The following EMC8 variants were observed in gnomAD, a reference collection of about 807,000 sequenced individuals.
The protein encoded by EMC8 is ER membrane protein complex subunit 8.
Under a neutral mutation model 24.3 loss-of-function variants are expected in EMC8, and 11 were observed. The observed-to-expected ratio is 0.45, with a 90% CI of 0.28 to 0.75. The LOEUF is 0.75. Ranked by LOEUF, EMC8 falls within the 30% of genes least tolerant of loss-of-function variation. The pLI is 0.12. For synonymous variants in EMC8, 145 were observed against 117.7 expected, an observed-to-expected ratio of 1.23 and a Z score of -1.50; for missense variants, 277 against 282.7, an observed-to-expected ratio of 0.98 and a Z score of 0.14.
chr16:85,789,125 C>T (rs1904889892), intron 1 of EMC8, 75 bp from the exon 2 acceptor site: 3 of 918,112 alleles, frequency 3.3e-6, no homozygotes, highest in Non-Finnish European at 1.8e-6. Context: ...CCACAGATCT[C>T]ACTGCCACAT....
In EMC8 at chr16:85,779,328, G is replaced by A. The variant is rs1904380331; in HGVS notation, c.*380C>T. 1 of 92,844 alleles carries A rather than the reference G, an allele frequency of 1.1e-5. No individual in the cohort carries two copies. Among genetic ancestry groups the A allele is most frequent in the Non-Finnish European group, 2.1e-5 (1 of 47,984 alleles). 5.8% of individuals were successfully genotyped at this position (92,844 alleles called of 1,614,324 possible). A position where few individuals can be genotyped will look rare whatever the true frequency, so the allele number is the denominator to read the frequency against. ...AAACACACTCATTGGAGTATAAGAT[G>A]TGGGCTTTTTTTTTTTTTTTTAAAA... On this transcript the variant is annotated 3_prime_UTR_variant, in exon 5 of 5. Coordinates refer to ENST00000253457, the MANE Select transcript of EMC8 (RefSeq NM_006067.5).
chr16:85,795,780 C>T (rs1905223174), intron 1 of EMC8, among the ~76,000 whole-genome samples: 1 of 152,166 alleles, frequency 6.6e-6, no homozygotes, highest in Non-Finnish European at 1.5e-5. Context: ...AAACAGGAAG[C>T]CATGGAAACC....
chr16:85,790,027 G>A (rs1052587490), intron 1 of EMC8, among the ~76,000 whole-genome samples: 1 of 152,156 alleles, frequency 6.6e-6, no homozygotes, highest in African/African-American at 2.4e-5. Context: ...GCAGCTTCCT[G>A]CAGGTCTAAG....
chr16:85,782,453 G>A (rs1006517462), intron 2 of EMC8, among the ~76,000 whole-genome samples: 1 of 152,162 alleles, frequency 6.6e-6, no homozygotes, highest in African/African-American at 2.4e-5. Context: ...TGCCAGGAAG[G>A]GGCCTTCTCC....
chr16:85,798,279 G>C (rs933068084), intron 1 of EMC8, among the ~76,000 whole-genome samples: 1 of 151,742 alleles, frequency 6.6e-6, no homozygotes, highest in African/African-American at 2.4e-5. Flanking sequence ...CCGCCACCAC[G>C]CCCGGCTAAG....
intron 1 of EMC8, among the ~76,000 whole-genome samples, chr16:85,791,176 T>A (rs77179934): frequency 2.0e-5 from 3 of 152,090 alleles, no homozygotes; most frequent in Non-Finnish European, 4.4e-5. Context: ...TTTTTCACCA[T>A]CCATAGAGAT....
At chr16:85,781,984 G>A (rs923888999) in intron 2 of EMC8, 4 of 152,432 alleles carry the variant, frequency 2.6e-5, no homozygotes, top group Non-Finnish European at 5.9e-5. Context: ...GGGTAATGGG[G>A]CGCACCGTGT....
In EMC8 at chr16:85,794,516, T is replaced by C. The variant is rs115261941; in HGVS notation, c.231+4549A>G. Among the ~76,000 whole-genome samples the C allele has an allele frequency of 9.8e-3, 1,489 of 152,122 alleles. 20 individuals carry two copies. Among genetic ancestry groups the C allele is most frequent in the Non-Finnish European group, 9.2e-3 (627 of 68,000 alleles). On this transcript the variant is annotated intron_variant, in intron 1 of 4. Coordinates refer to ENST00000253457, the MANE Select transcript of EMC8 (RefSeq NM_006067.5). ...CCCGCCTGGGTGACACGGTGAAACC[T>C]TGTCTACTAAAATAAAAAAGAAATC...
intron 1 of EMC8, among the ~76,000 whole-genome samples, chr16:85,797,869 G>A (rs1905309021): frequency 6.6e-6 from 1 of 152,172 alleles, no homozygotes; most frequent in Admixed American, 6.5e-5. Flanking sequence ...AGGTATGCAG[G>A]TCTGAAGCTA....
At chr16:85,786,742 C>A (rs1904771951) in intron 2 of EMC8, among the ~76,000 whole-genome samples, 1 of 152,198 alleles carries the variant, frequency 6.6e-6, no homozygotes, top group South Asian at 2.1e-4. Flanking sequence ...GGAGGACATT[C>A]TAGAAGGAAG....
At position 85,794,952 on chromosome 16, in the gene EMC8, T is replaced by G. The variant is rs148175827; in HGVS notation, c.231+4113A>C. On this transcript the variant is annotated intron_variant, in intron 1 of 4. Transcript: ENST00000253457. The stretch of plus-strand genomic sequence containing the variant: ...AGGCAGTCACTGTCCCCTCTGGGCA[T>G]CTTTCCTCCCTGGTAAGTGGTTTGG... Among the ~76,000 whole-genome samples, 112 of 152,324 alleles carry G rather than the reference T, an allele frequency of 7.4e-4. 2 individuals are homozygous for G. The highest frequency in any genetic ancestry group is 2.6e-3 in the African/African-American group (109 of 41,578).
chr16:85,783,779 C>T (rs1053325564), intron 2 of EMC8, among the ~76,000 whole-genome samples: 7 of 152,146 alleles, frequency 4.6e-5, no homozygotes, highest in South Asian at 4.1e-4. Flanking sequence ...TACTGAATTG[C>T]TTCCCCTCTT....
intron 2 of EMC8, among the ~76,000 whole-genome samples, chr16:85,784,172 G>T (rs1904642655): frequency 6.6e-6 from 1 of 152,096 alleles, no homozygotes; most frequent in South Asian, 2.1e-4. Context: ...CTAATTTTTT[G>T]TATTTTTAGT....
intron 2 of EMC8, among the ~76,000 whole-genome samples, chr16:85,783,211 G>A (rs1904591667): frequency 6.6e-6 from 1 of 152,186 alleles, no homozygotes; most frequent in Admixed American, 6.5e-5. Context: ...GCTGAGGCAG[G>A]AGAATCGCTT....
chr16:85,785,748 A>G (rs1241842821), intron 2 of EMC8, among the ~76,000 whole-genome samples: 1 of 152,172 alleles, frequency 6.6e-6, no homozygotes, highest in African/African-American at 2.4e-5. Flanking sequence ...CCTTGTTCCT[A>G]GGAAGAGCCA....
At chr16:85,786,882 C>G (rs779852753) in intron 2 of EMC8, among the ~76,000 whole-genome samples, 5 of 152,088 alleles carry the variant, frequency 3.3e-5, no homozygotes, top group Non-Finnish European at 7.4e-5. Flanking sequence ...CATAGGAGAG[C>G]CTGCGCAGGT....
At chr16:85,787,999 C>T (rs1437447233) in intron 2 of EMC8, among the ~76,000 whole-genome samples, 5 of 152,214 alleles carry the variant, frequency 3.3e-5, no homozygotes, top group Admixed American at 3.3e-4. Context: ...AACGGCAGGG[C>T]CCTTCACTGC....
At chr16:85,780,805 C>G (rs1054542167) in intron 3 of EMC8, 6 of 455,912 alleles carry the variant, frequency 1.3e-5, no homozygotes, top group Non-Finnish European at 8.0e-6. Context: ...CTTCCCTGTG[C>G]CCCTAGAGGC....
chr16:85,779,915 G>T (rs774129296), intron 4 of EMC8, 48 bp from the exon 5 acceptor site: 2 of 1,567,820 alleles, frequency 1.3e-6, no homozygotes, highest in East Asian at 2.2e-5. Context: ...GAAAACGGGC[G>T]GCTTGTAACA....
Sources: allele counts gnomAD v4.1 joint callset (sites outside exome capture counted in the v4.1 genomes callset), GRCh38; gene constraint gnomAD v4.1.1; transcripts MANE v1.5; gene names NCBI Gene and HGNC (gene_info 2026-07-23, HGNC 2026-07-21).